EFHB: variants seen among roughly 807,000 people sequenced by gnomAD.
EFHB encodes the protein EF-hand domain-containing family member B.
EFHB carries 91 observed loss-of-function variants against 87.2 expected under a neutral mutation model. The ratio of observed to expected loss-of-function variants is 1.04; its 90% confidence interval spans 0.88 to 1.24. The LOEUF (loss-of-function observed/expected upper bound fraction) is 1.24. Ranked by LOEUF, EFHB falls within the 50% of genes most tolerant of loss-of-function variation. The probability of loss-of-function intolerance (pLI) is 0.00; values close to 1 mark genes in which losing one functional copy is unlikely to be tolerated. For synonymous variants in EFHB, 325 were observed against 333.6 expected (o/e 0.97, Z 0.28); for missense variants, 1,084 against 998.8 (o/e 1.09, Z -1.15).
Position 19,888,629 on chromosome 3 carries a change from T to C in EFHB, c.1748A>G (p.Lys583Arg). The C allele has an allele frequency of 1.2e-6, 2 of 1,606,402 alleles. No individual in the cohort carries two copies. Among genetic ancestry groups the C allele is most frequent in the Non-Finnish European group, 1.7e-6 (2 of 1,175,966 alleles). The change falls in exon 10 of 13, where the codon AAA (lysine) becomes AGA (arginine). Residue 583 changes from lysine to arginine, a missense_variant. By Grantham distance (26) the Lys-to-Arg change is conservative (BLOSUM62 2). Coordinates refer to ENST00000295824, the MANE Select transcript of EFHB (RefSeq NM_144715.4). ...GTCACAAGCTTCCTGCAGCTCGTCT[T>C]TATCTATCATCCCATCTCCCTTCTG... ...YDKKGDGMID[K>R]DELQEACDQA...
chr3:19,918,227 A>G lies in EFHB; in HGVS notation c.1177+5T>C. On this transcript the variant is annotated splice_donor_5th_base_variant and intron_variant, in intron 4 of 12. Coordinates refer to ENST00000295824, the MANE Select transcript of EFHB (RefSeq NM_144715.4). ...CTTCCCACCCCTTATTTTTTTTTTTACTACCTTTGATGACTGCTGTCCCAA... is the reference window on the plus strand; with the variant it reads ...CTTCCCACCCCTTATTTTTTTTTTTGCTACCTTTGATGACTGCTGTCCCAA... 2.0e-6 allele frequency: 3 copies of G among 1,537,994 alleles called. No individual in the cohort carries two copies. Among genetic ancestry groups the G allele is most frequent in the Non-Finnish European group, 2.6e-6 (3 of 1,147,672 alleles).
rs1695194696 is a variant in EFHB, at chr3:19,915,391, C to T, written c.1200G>A (p.Val400=). 6.2e-7 allele frequency: 1 copy of T among 1,611,708 alleles called. No individual in the cohort carries two copies. Among genetic ancestry groups the T allele is most frequent in the Admixed American group, 1.7e-5 (1 of 59,832 alleles). The change falls in exon 5 of 13, where the codon GTG becomes GTA. Residue 400 remains valine, a synonymous_variant. Transcript: ENST00000295824. ...VIKEYSAKDV[V]NPPKSYEEVF... Reference sequence around the variant, plus strand: ...CTTCTTCATAGGATTTTGGTGGATTCACCACATCTTTAGCAGAGTATTCTG... The same window carrying T: ...CTTCTTCATAGGATTTTGGTGGATTTACCACATCTTTAGCAGAGTATTCTG...
chr3:19,911,453 G>A (rs1041172081), intron 5 of EFHB, among the ~76,000 whole-genome samples: 10 of 152,052 alleles, frequency 6.6e-5, no homozygotes, highest in African/African-American at 2.4e-4. Context: ...TGCTACTGAG[G>A]AGGCTGAGAC....
chr3:19,937,660 C>G (rs1171742090), upstream of EFHB, among the ~76,000 whole-genome samples: 1 of 152,106 alleles, frequency 6.6e-6, no homozygotes, highest in East Asian at 1.9e-4. Flanking sequence ...CTCCAGAAAA[C>G]TTTTCATGGC....
intron 5 of EFHB, among the ~76,000 whole-genome samples, chr3:19,908,250 C>T (rs944062063): frequency 1.3e-4 from 20 of 151,968 alleles, no homozygotes; most frequent in African/African-American, 4.3e-4. Flanking sequence ...AACATATTAT[C>T]GGCTGGGCGC....
intron 12 of EFHB, among the ~76,000 whole-genome samples, chr3:19,882,046 A>ATT (rs1229871082): frequency 9.2e-5 from 13 of 141,134 alleles, no homozygotes; most frequent in South Asian, 2.2e-4. Context: ...TAAATAAATA[A>ATT]ATAAATAAAT....
At chr3:19,940,598 C>A in intron 1 of EFHB, 1 of 487,198 alleles carries the variant, frequency 2.1e-6, no homozygotes, top group Non-Finnish European at 4.1e-6. Context: ...TGCTTCTCAT[C>A]TTCAGCTTTG....
At chr3:19,936,205 C>T, upstream of EFHB, 3 of 1,004,176 alleles carry the variant, frequency 3.0e-6, no homozygotes, top group Non-Finnish European at 4.5e-6. Context: ...ATTCAATTAG[C>T]CCAGCGTGGT....
At chr3:19,935,822 C>A (rs943711168), upstream of EFHB, among the ~76,000 whole-genome samples, 2 of 151,780 alleles carry the variant, frequency 1.3e-5, no homozygotes, top group Non-Finnish European at 2.9e-5. Context: ...CCATCCTGGC[C>A]AACATGGTGA....
intron 7 of EFHB, 81 bp from the exon 8 acceptor site, chr3:19,898,926 T>C (rs1694576521): frequency 7.2e-7 from 1 of 1,380,496 alleles, no homozygotes; most frequent in African/African-American, 1.4e-5. Context: ...CCATATGTTC[T>C]TAGTAGCCCA....
Position 19,918,292 on chromosome 3 carries a change from G to A in EFHB, c.1117C>T (p.Pro373Ser), listed in dbSNP as rs2125150290. 1 of 1,613,124 alleles carries A rather than the reference G, an allele frequency of 6.2e-7. No individual in the cohort carries two copies. Residue 373 changes from proline (P) to serine (S), a missense_variant, in exon 4 of 13, where the codon CCA (proline) becomes TCA (serine). By Grantham distance (74) the Pro-to-Ser change is moderately conservative (BLOSUM62 -1). Coordinates refer to ENST00000295824, the MANE Select transcript of EFHB (RefSeq NM_144715.4). ...APLGKSHDQA[P>S]GLPKGMDTTN... ...GTGTCCATGCCTTTTGGTAATCCTG[G>A]TGCTTGATCGTGAGATTTTCCTAAT...
intron 11 of EFHB, 50 bp downstream of exon 11, chr3:19,884,353 C>T (rs1462873954): frequency 3.9e-6 from 6 of 1,537,630 alleles, no homozygotes; most frequent in Non-Finnish European, 5.3e-6. Context: ...CAAGGACAGA[C>T]AGAGGACAGT....
At position 19,919,969 on chromosome 3, in the gene EFHB, G is replaced by A; in HGVS notation, c.860C>T (p.Thr287Ile). ...CLTEKLPRLITPPEAKKYFNF... is the reference protein window; with the variant it reads ...CLTEKLPRLIIPPEAKKYFNF... ...GAAATACTTTTTTGCTTCAGGTGGA[G>A]TAATTAGCTACAAAGAGTGAGGCAA... is the stretch of plus-strand genomic sequence containing the variant. Residue 287 changes from threonine to isoleucine, a missense_variant, in exon 3 of 13, where the codon ACT (threonine) becomes ATT (isoleucine). By Grantham distance (89) the Thr-to-Ile change is moderately conservative (BLOSUM62 -1). Transcript: ENST00000295824. The A allele has an allele frequency of 6.2e-7, 1 of 1,613,556 alleles. No homozygotes were observed.
chr3:19,896,541 T>C (rs142218873), intron 9 of EFHB, 146 bp downstream of exon 9: 36 of 1,070,446 alleles, frequency 3.4e-5, no homozygotes, highest in East Asian at 2.1e-4. Context: ...ACAGGCGTGA[T>C]TGTGTTCCAG....
rs1180272192 is a variant in EFHB at position 19,880,970 on chromosome 3, T to C, written c.2329-1166A>G. ...GAAGCGAATAGCCAAAGAAATAAAA[T>C]AGTTGCAGAATACATCTATTAAACA... On this transcript the variant is annotated intron_variant, in intron 12 of 12. Transcript: ENST00000295824. Among the ~76,000 whole-genome samples the C allele has an allele frequency of 4.0e-5, 6 of 150,996 alleles. No individual in the cohort carries two copies. In the South Asian group the frequency reaches 8.4e-4, roughly 21 times the overall value.
chr3:19,888,604 G>A lies in EFHB; in HGVS notation c.1773C>T (p.Asp591=). 1 of 1,607,580 alleles carries A rather than the reference G, an allele frequency of 6.2e-7. No individual in the cohort carries two copies. Among genetic ancestry groups the A allele is most frequent in the East Asian group, 2.2e-5 (1 of 44,820 alleles). ...TGTCATCTAAACTCAAGTTGGCCTG[G>A]TCACAAGCTTCCTGCAGCTCGTCTT... ...IDKDELQEAC[D]QANLSLDDKL... Residue 591 remains aspartate (D), a synonymous_variant, in exon 10 of 13, where the codon GAC becomes GAT. Coordinates refer to ENST00000295824, the MANE Select transcript of EFHB (RefSeq NM_144715.4).
intron 9 of EFHB, among the ~76,000 whole-genome samples, chr3:19,890,966 C>T (rs1320021590): frequency 6.6e-6 from 1 of 152,160 alleles, no homozygotes; most frequent in Non-Finnish European, 1.5e-5. Flanking sequence ...GCAAACAAGC[C>T]TCATATGTCA....
At chr3:19,887,327 G>A (rs980080777) in intron 10 of EFHB, among the ~76,000 whole-genome samples, 6 of 148,668 alleles carry the variant, frequency 4.0e-5, no homozygotes, top group African/African-American at 1.2e-4. Context: ...AGAGATTGCA[G>A]TGAGCCAAGA....
chr3:19,942,597 T>C (rs776415177), intron 1 of EFHB, among the ~76,000 whole-genome samples: 1 of 152,228 alleles, frequency 6.6e-6, no homozygotes, highest in Non-Finnish European at 1.5e-5. Flanking sequence ...TAATATATAA[T>C]GAAATAATTA....
Sources: gnomAD v4.1 joint callset for allele counts (sites outside exome capture counted in the v4.1 genomes callset) on GRCh38, gnomAD v4.1.1 for gene constraint, MANE v1.5 for transcripts, NCBI Gene and HGNC (gene_info 2026-07-23, HGNC 2026-07-21) for gene names.